The following RIMS1 variants were observed in gnomAD, a reference collection of about 807,000 sequenced individuals.
RIMS1 encodes the protein regulating synaptic membrane exocytosis 1.
In RIMS1, 83 loss-of-function variants were observed where a neutral mutation model predicts 214.1. The ratio of observed to expected loss-of-function variants is 0.39; its 90% CI spans 0.32 to 0.47. The LOEUF (loss-of-function observed/expected upper bound fraction) is 0.47, where lower values mean the gene tolerates loss of function less well. RIMS1 is among the 20% of genes least tolerant of loss of function. The probability of loss-of-function intolerance (pLI) is 0.99; values close to 1 mark genes in which losing one functional copy is unlikely to be tolerated. For synonymous variants in RIMS1, 793 were observed against 786.8 expected (o/e 1.01, Z -0.13); for missense variants, 2,050 against 2,161.8 (o/e 0.95, Z 1.03).
intron 25 of RIMS1, 142 bp from the exon 26 acceptor site, chr6:72,291,792 C>T (rs1320420535): frequency 1.4e-6 from 1 of 695,796 alleles, no homozygotes; most frequent in Non-Finnish European, 2.7e-6. Flanking sequence ...TTACACATAT[C>T]ATAAAAAGTG....
intron 6 of RIMS1, chr6:72,217,215 A>G (rs767447737): frequency 6.2e-5 from 95 of 1,536,556 alleles, no homozygotes; most frequent in Non-Finnish European, 7.5e-5. Context: ...TGCAGTTTCT[A>G]CTACTTCATA....
At chr6:72,337,880 G>A (rs924210876) in intron 29 of RIMS1, among the ~76,000 whole-genome samples, 114 of 151,104 alleles carry the variant, frequency 7.5e-4, no homozygotes, top group Admixed American at 7.0e-3. Context: ...TGAGAATGAT[G>A]GTTTCCAGCT....
At chr6:72,381,709 T>A (rs1415735910) in intron 29 of RIMS1, among the ~76,000 whole-genome samples, 1 of 152,218 alleles carries the variant, frequency 6.6e-6, no homozygotes, top group Non-Finnish European at 1.5e-5. Context: ...TTGCTGAAAA[T>A]GTAAGTGTAA....
chr6:72,329,788 G>C (rs1324415633), intron 28 of RIMS1, among the ~76,000 whole-genome samples: 1 of 151,602 alleles, frequency 6.6e-6, no homozygotes, highest in Non-Finnish European at 1.5e-5. Context: ...TGAGCAGTTG[G>C]GTAGATGGGT....
intron 6 of RIMS1, among the ~76,000 whole-genome samples, chr6:72,200,569 C>T (rs1359393364): frequency 6.6e-6 from 1 of 152,102 alleles, no homozygotes; most frequent in African/African-American, 2.4e-5. Flanking sequence ...CACTAATGCT[C>T]AACAGTTTTA....
intron 29 of RIMS1, among the ~76,000 whole-genome samples, chr6:72,368,140 G>T (rs1208226774): frequency 6.6e-6 from 1 of 151,784 alleles, no homozygotes; most frequent in East Asian, 1.9e-4. Flanking sequence ...TTAACCAACT[G>T]CATAAAATGT....
rs1159363969 is a variant in RIMS1 at position 72,259,124 on chromosome 6, A to G, written c.3053+13A>G. On this transcript the variant is annotated intron_variant, in intron 18 of 33. Coordinates refer to ENST00000521978, the MANE Select transcript of RIMS1 (RefSeq NM_014989.7). ...CAGAACAAGACAGGTATTTGTCAAA[A>G]TTATGATCTCAACGTTATGAATTTT... is the stretch of plus-strand genomic sequence containing the variant. 6.2e-7 allele frequency: 1 copy of G among 1,609,244 alleles called. No homozygotes were observed. Among genetic ancestry groups the G allele is most frequent in the Admixed American group, 1.7e-5 (1 of 59,750 alleles).
At chr6:72,022,999 C>T (rs1309338775) in intron 2 of RIMS1, among the ~76,000 whole-genome samples, 2 of 152,160 alleles carry the variant, frequency 1.3e-5, no homozygotes, top group African/African-American at 4.8e-5. Context: ...CTTTCATTCC[C>T]TTACCTTTGA....
chr6:72,084,763 G>A (rs1044751541), intron 2 of RIMS1, among the ~76,000 whole-genome samples: 1 of 152,082 alleles, frequency 6.6e-6, no homozygotes, highest in Non-Finnish European at 1.5e-5. Context: ...AACACTAATA[G>A]CTAATCATCG....
intron 2 of RIMS1, among the ~76,000 whole-genome samples, chr6:72,066,990 C>A (rs1829468268): frequency 6.6e-6 from 1 of 152,150 alleles, no homozygotes; most frequent in African/African-American, 2.4e-5. Flanking sequence ...TTCAATACCT[C>A]CCTTGCTATC....
intron 1 of RIMS1, among the ~76,000 whole-genome samples, chr6:71,923,728 C>A (rs1780726120): frequency 1.3e-5 from 2 of 151,952 alleles, no homozygotes; most frequent in African/African-American, 2.4e-5. Flanking sequence ...CCATGCCCAG[C>A]TAATTTTGTA....
At chr6:72,388,621 T>G (rs2098653312) in intron 29 of RIMS1, among the ~76,000 whole-genome samples, 1 of 152,176 alleles carries the variant, frequency 6.6e-6, no homozygotes, top group Non-Finnish European at 1.5e-5. Context: ...ACTGCTCTTT[T>G]GAGTGATGAT....
In RIMS1 at chr6:72,161,637, C is replaced by T. The variant is rs1275868512; in HGVS notation, c.472-17938C>T. On this transcript the variant is annotated intron_variant, in intron 4 of 33. Coordinates refer to ENST00000521978, the MANE Select transcript of RIMS1 (RefSeq NM_014989.7). ...AACATCTTTATTTCTGCCTTCATTT[C>T]GTTATGTCCCCAGTAGTCATTCAGG... Among the ~76,000 whole-genome samples the T allele has an allele frequency of 1.2e-4, 17 of 139,272 alleles. 1 individual carries two copies. The highest frequency in any genetic ancestry group is 8.9e-4 in the Admixed American group (12 of 13,548). The allele number at this position is 139,272 out of a possible 152,430, so 91.4% of individuals were successfully genotyped here. A position where few individuals can be genotyped will look rare whatever the true frequency, so the allele number is the denominator to read the frequency against.
chr6:72,043,377 T>G (rs1474636699), intron 2 of RIMS1, among the ~76,000 whole-genome samples: 3 of 151,832 alleles, frequency 2.0e-5, no homozygotes, highest in African/African-American at 7.2e-5. Flanking sequence ...TAAAAGAAAA[T>G]CAAACAATTA....
At chr6:71,949,525 C>T (rs1409175678) in intron 1 of RIMS1, among the ~76,000 whole-genome samples, 1 of 152,128 alleles carries the variant, frequency 6.6e-6, no homozygotes, top group Non-Finnish European at 1.5e-5. Context: ...GGCAAAGTCG[C>T]CCCTCTAAAC....
intron 2 of RIMS1, among the ~76,000 whole-genome samples, chr6:72,080,371 C>T (rs1019373899): frequency 6.6e-6 from 1 of 152,180 alleles, no homozygotes; most frequent in Non-Finnish European, 1.5e-5. Context: ...GAAGATGTAA[C>T]TGAACACTCC....
chr6:71,987,537 A>G (rs577955188), intron 2 of RIMS1, among the ~76,000 whole-genome samples: 1 of 152,298 alleles, frequency 6.6e-6, no homozygotes, highest in South Asian at 2.1e-4. Context: ...ATTAGACTAC[A>G]ACATATGAAT....
At chr6:72,058,652 C>T (rs546750930) in intron 2 of RIMS1, among the ~76,000 whole-genome samples, 16 of 152,280 alleles carry the variant, frequency 1.1e-4, no homozygotes, top group Admixed American at 7.8e-4. Context: ...TGGTTCCTCC[C>T]CAAAGACCTT....
intron 29 of RIMS1, among the ~76,000 whole-genome samples, chr6:72,361,890 TC>T (rs1306552741): frequency 6.6e-6 from 1 of 152,208 alleles, no homozygotes; most frequent in East Asian, 1.9e-4. Context: ...CCAGCACAAT[TC>T]CCCATTGCCA....
Sources: allele counts gnomAD v4.1 joint callset (sites outside exome capture counted in the v4.1 genomes callset), GRCh38; gene constraint gnomAD v4.1.1; transcripts MANE v1.5; gene names NCBI Gene and HGNC (gene_info 2026-07-23, HGNC 2026-07-21).